FGF12: variants seen among roughly 807,000 people sequenced by gnomAD.
The protein encoded by FGF12 is fibroblast growth factor 12B.
A neutral mutation model predicts 23.6 loss-of-function variants in FGF12; 14 were observed. The observed-to-expected ratio is 0.59, with a 90% CI of 0.39 to 0.93. FGF12 has a LOEUF of 0.93. Among genes scored for constraint, FGF12 ranks in the 40% least tolerant of loss-of-function variants. The pLI, the probability that FGF12 is intolerant of heterozygous loss-of-function variation, is 0.00. For missense variants in FGF12, 175 were observed against 217.8 expected, an observed-to-expected ratio of 0.80 and a Z score of 1.24; for synonymous variants, 62 against 77.3, an observed-to-expected ratio of 0.80 and a Z score of 1.04.
chr3:192,391,474 A>G lies in FGF12; in HGVS notation c.14-30936T>C, dbSNP rs145214372. 4.3e-3 allele frequency among the ~76,000 whole-genome samples: 654 copies of G among 152,338 alleles called. 3 individuals are homozygous for G. The highest frequency in any genetic ancestry group is 0.015 in the African/African-American group (617 of 41,578). On this transcript the variant is annotated intron_variant, in intron 2 of 5. Coordinates refer to ENST00000445105, the MANE Select transcript of FGF12 (RefSeq NM_004113.6). ...CACATTATAAACAGCAGTTGCAAGG[A>G]TTATTAACCAAATATTACTGTGCAG...
rs1011564501 is a variant in FGF12 at position 192,187,299 on chromosome 3, T to C, written c.229-16643A>G. Among the ~76,000 whole-genome samples the C allele has an allele frequency of 2.0e-5, 3 of 152,150 alleles. No individual in the cohort carries two copies. The East Asian group carries it at 5.8e-4, about 29-fold the overall frequency. On this transcript the variant is annotated intron_variant, in intron 4 of 5. Transcript: ENST00000445105. ...AGTCTTTTTTTGAGCAAAGGCAAAA[T>C]TTATATAGTATATCTTATAATTTAT...
intron 4 of FGF12, among the ~76,000 whole-genome samples, chr3:192,303,665 G>A (rs774513860): frequency 7.2e-5 from 11 of 152,162 alleles, no homozygotes; most frequent in Non-Finnish European, 1.3e-4. Flanking sequence ...AGAGTGTGGT[G>A]GATTACGCTT....
Position 192,244,159 on chromosome 3 carries a change from T to G in FGF12, c.229-73503A>C, listed in dbSNP as rs112820473. 2.2e-3 allele frequency among the ~76,000 whole-genome samples: 334 copies of G among 152,288 alleles called. 2 individuals carry two copies. Among genetic ancestry groups the G allele is most frequent in the African/African-American group, 5.5e-3 (229 of 41,588 alleles). Reference sequence around the variant, plus strand: ...TATATCTAGGGAGATCGATTTGGCATTATCTAGCAAACTTACAAATATTCT... The same window carrying G: ...TATATCTAGGGAGATCGATTTGGCAGTATCTAGCAAACTTACAAATATTCT... On this transcript the variant is annotated intron_variant, in intron 4 of 5. Transcript: ENST00000445105.
At chr3:192,671,502 C>T (rs560470079) in intron 2 of FGF12, among the ~76,000 whole-genome samples, 2 of 152,234 alleles carry the variant, frequency 1.3e-5, no homozygotes, top group African/African-American at 4.8e-5. Context: ...GTTAACCCAA[C>T]GTTTGGTAGA....
At chr3:192,469,870 C>T (rs1241262230) in intron 2 of FGF12, among the ~76,000 whole-genome samples, 1 of 152,156 alleles carries the variant, frequency 6.6e-6, no homozygotes, top group Non-Finnish European at 1.5e-5. Flanking sequence ...AATAATAATA[C>T]CACTTATGTA....
At chr3:192,227,311 T>C (rs560469442) in intron 4 of FGF12, among the ~76,000 whole-genome samples, 11 of 152,218 alleles carry the variant, frequency 7.2e-5, no homozygotes, top group Non-Finnish European at 5.9e-5. Flanking sequence ...CTTGTACTTA[T>C]GCACAGACAT....
rs201262513 is a variant in FGF12 at position 192,170,540 on chromosome 3, G to A, written c.345C>T (p.Leu115=). 6.2e-7 allele frequency: 1 copy of A among 1,613,776 alleles called. No individual in the cohort carries two copies. Among genetic ancestry groups the A allele is most frequent in the African/African-American group, 1.3e-5 (1 of 74,944 alleles). ...CCTTCATAATTTGACCTTCTTTATT[G>A]AGTCCCAGAAACCAAGCTCGGCCTG... is the stretch of plus-strand genomic sequence containing the variant. The part of the protein sequence containing the change: ...QESGRAWFLG[L]NKEGQIMKGN... The change falls in exon 5 of 6, where the codon CTC becomes CTT. Residue 115 remains leucine, a synonymous_variant. Coordinates refer to ENST00000445105, the MANE Select transcript of FGF12 (RefSeq NM_004113.6).
At chr3:192,670,708 T>C (rs1296599072) in intron 2 of FGF12, among the ~76,000 whole-genome samples, 1 of 152,126 alleles carries the variant, frequency 6.6e-6, no homozygotes, top group East Asian at 1.9e-4. Flanking sequence ...TGAATAAATG[T>C]TTATAGAGTC....
At position 192,408,327 on chromosome 3, in the gene FGF12, C is replaced by A. The variant is rs575943340; in HGVS notation, c.14-47789G>T. 1 of 1,435,142 alleles carries A rather than the reference C, an allele frequency of 7.0e-7. No homozygotes were observed. Among genetic ancestry groups the A allele is most frequent in the African/African-American group, 1.4e-5 (1 of 69,538 alleles). 88.9% of individuals were successfully genotyped at this position (1,435,142 alleles called of 1,614,324 possible). ...TGGGCGGCCAGGGAAAGGGCAGTCGCGGGGAGGCAGTGCTAAAATTTGAGG... is the reference window on the plus strand; with the variant it reads ...TGGGCGGCCAGGGAAAGGGCAGTCGAGGGGAGGCAGTGCTAAAATTTGAGG... On this transcript the variant is annotated intron_variant, in intron 2 of 5. Transcript: ENST00000445105. This position sits in a 1 kb window ranked among gnomAD's most constrained non-coding sequence, Gnocchi z 7.3.
intron 2 of FGF12, among the ~76,000 whole-genome samples, chr3:192,570,282 C>T (rs138011008): frequency 6.6e-6 from 1 of 152,110 alleles, no homozygotes; most frequent in East Asian, 1.9e-4. Context: ...TTTGAGTTGC[C>T]TATGGAAATC....
At chr3:192,355,915 C>G (rs1718452583) in intron 3 of FGF12, among the ~76,000 whole-genome samples, 1 of 152,106 alleles carries the variant, frequency 6.6e-6, no homozygotes, top group African/African-American at 2.4e-5. Flanking sequence ...CTTGACCCAT[C>G]ATGTCTCAGT....
chr3:192,625,014 T>G (rs1477696106), intron 2 of FGF12, among the ~76,000 whole-genome samples: 1 of 152,128 alleles, frequency 6.6e-6, no homozygotes, highest in Non-Finnish European at 1.5e-5. Flanking sequence ...ATAGTCCATA[T>G]AGCACATTAA....
intron 4 of FGF12, among the ~76,000 whole-genome samples, chr3:192,323,222 T>A (rs1487353800): frequency 6.6e-6 from 1 of 152,102 alleles, no homozygotes; most frequent in Non-Finnish European, 1.5e-5. Context: ...GCTAGGTATA[T>A]CCAAAAGAAA....
intron 2 of FGF12, among the ~76,000 whole-genome samples, chr3:192,433,816 C>T (rs1422338623): frequency 1.3e-5 from 2 of 152,222 alleles, no homozygotes; most frequent in Admixed American, 1.3e-4. Context: ...ACTTCACCTC[C>T]CCATGGGGTA....
intron 2 of FGF12, among the ~76,000 whole-genome samples, chr3:192,717,057 T>C (rs996987959): frequency 6.6e-6 from 1 of 152,190 alleles, no homozygotes; most frequent in Non-Finnish European, 1.5e-5. Context: ...CAGTGATTCC[T>C]CAAGTCTGTA....
intron 2 of FGF12, among the ~76,000 whole-genome samples, chr3:192,458,174 G>A (rs1243808813): frequency 6.6e-6 from 1 of 152,204 alleles, no homozygotes; most frequent in Non-Finnish European, 1.5e-5. Flanking sequence ...CCCTCATGAA[G>A]AACCTCTGCT....
intron 2 of FGF12, among the ~76,000 whole-genome samples, chr3:192,626,995 G>A (rs191059855): frequency 2.0e-5 from 3 of 152,198 alleles, no homozygotes; most frequent in Non-Finnish European, 2.9e-5. Flanking sequence ...AATATGAGAC[G>A]TATTACTACT....
intron 4 of FGF12, among the ~76,000 whole-genome samples, chr3:192,298,440 G>A (rs1715162265): frequency 1.3e-5 from 2 of 152,160 alleles, no homozygotes; most frequent in African/African-American, 4.8e-5. Context: ...CTGGGGCTGG[G>A]TAATTTATTT....
At chr3:192,305,862 T>G (rs1386893348) in intron 4 of FGF12, among the ~76,000 whole-genome samples, 1 of 129,112 alleles carries the variant, frequency 7.7e-6, no homozygotes, top group Non-Finnish European at 1.6e-5. Context: ...TGGTTTTTTT[T>G]TTTTTTTTTT....
Sources: allele counts gnomAD v4.1 joint callset (sites outside exome capture counted in the v4.1 genomes callset), GRCh38; gene constraint gnomAD v4.1.1; non-coding constraint Gnocchi (gnomAD v3.1); transcripts MANE v1.5; gene names NCBI Gene and HGNC (gene_info 2026-07-23, HGNC 2026-07-21).